SLIT3: variants seen among roughly 807,000 people sequenced by gnomAD.
SLIT3 encodes slit guidance ligand 3.
SLIT3 carries 68 observed loss-of-function variants against 184.0 expected under a neutral mutation model. The ratio of observed to expected loss-of-function variants is 0.37; its 90% CI spans 0.30 to 0.45. The LOEUF is 0.45. Among genes scored for constraint, SLIT3 ranks in the 20% least tolerant of loss-of-function variants. The pLI, the probability that SLIT3 is intolerant of heterozygous loss-of-function variation, is 1.00. For synonymous variants in SLIT3, 831 were observed against 828.6 expected, an observed-to-expected ratio of 1.00 and a Z score of -0.05; for missense variants, 1,707 against 2,026.0, an observed-to-expected ratio of 0.84 and a Z score of 3.02.
intron 4 of SLIT3, among the ~76,000 whole-genome samples, chr5:169,167,821 C>T (rs1297920268): frequency 6.6e-6 from 1 of 152,214 alleles, no homozygotes; most frequent in Non-Finnish European, 1.5e-5. Flanking sequence ...CACTGACACT[C>T]TGGCTGCACT....
chr5:168,873,912 A>C (rs1285782534), intron 5 of SLIT3, among the ~76,000 whole-genome samples: 2 of 152,166 alleles, frequency 1.3e-5, no homozygotes, highest in African/African-American at 4.8e-5. Flanking sequence ...AGAGCCTCAA[A>C]GTATGATCTC....
chr5:168,778,811 C>T (rs747636646), intron 12 of SLIT3, among the ~76,000 whole-genome samples: 1 of 152,228 alleles, frequency 6.6e-6, no homozygotes, highest in Non-Finnish European at 1.5e-5. Flanking sequence ...ACAACTGTGA[C>T]ATCCCAGCCA....
rs1370643455 is a variant in SLIT3 at position 168,722,949 on chromosome 5, A to T, written c.2395T>A (p.Ser799Thr). Residue 799 changes from serine (S) to threonine (T), a missense_variant, in exon 22 of 36, where the codon TCT becomes ACT. Transcript: ENST00000519560. ...TGTACTCACAGAGTGGAGAGGTGAG[A>T]CATGTTACTGAAGGTGTAATTGGTC... ...MLTNYTFSNM[S>T]HLSTLILSYN... 23 of 1,613,638 alleles carry T rather than the reference A, an allele frequency of 1.4e-5. No homozygotes were observed. The highest frequency in any genetic ancestry group is 1.9e-5 in the Non-Finnish European group (23 of 1,179,520).
intron 4 of SLIT3, among the ~76,000 whole-genome samples, chr5:169,122,122 C>T (rs1462791076): frequency 6.6e-6 from 1 of 152,176 alleles, no homozygotes; most frequent in Non-Finnish European, 1.5e-5. Flanking sequence ...CTTCTAAATT[C>T]CATTTCACTA....
chr5:168,794,411 C>G (rs1756495284), intron 10 of SLIT3, among the ~76,000 whole-genome samples: 1 of 152,174 alleles, frequency 6.6e-6, no homozygotes, highest in Non-Finnish European at 1.5e-5. Context: ...GCAGAGCCCC[C>G]AGCTCTGAGT....
chr5:169,285,788 A>C (rs1313066584), intron 1 of SLIT3, among the ~76,000 whole-genome samples: 1 of 152,190 alleles, frequency 6.6e-6, no homozygotes, highest in Non-Finnish European at 1.5e-5. Context: ...AAGTCATCCC[A>C]GCCTAGGTGC....
chr5:169,272,190 G>A (rs1365449440), intron 1 of SLIT3, among the ~76,000 whole-genome samples: 1 of 152,198 alleles, frequency 6.6e-6, no homozygotes, highest in Non-Finnish European at 1.5e-5. Context: ...TGTCACATTT[G>A]GAGGGCAGAG....
intron 5 of SLIT3, among the ~76,000 whole-genome samples, chr5:168,845,087 C>T (rs188347406): frequency 2.3e-4 from 35 of 152,164 alleles, no homozygotes; most frequent in African/African-American, 7.9e-4. Flanking sequence ...CCCGTTCCCC[C>T]GTCTCCCTTT....
chr5:169,000,336 G>A (rs1259553706), intron 4 of SLIT3, among the ~76,000 whole-genome samples: 1 of 134,494 alleles, frequency 7.4e-6, no homozygotes, highest in Non-Finnish European at 1.5e-5. Context: ...AGGTTGCAGT[G>A]AGCTGAGATC....
At chr5:168,839,158 C>T (rs1337808016) in intron 6 of SLIT3, among the ~76,000 whole-genome samples, 7 of 152,252 alleles carry the variant, frequency 4.6e-5, no homozygotes, top group Non-Finnish European at 8.8e-5. Flanking sequence ...TGCTTAGGTT[C>T]GGGCGTCCTG....
chr5:168,717,643 T>C (rs1435225537), intron 23 of SLIT3, among the ~76,000 whole-genome samples: 1 of 152,020 alleles, frequency 6.6e-6, no homozygotes, highest in Non-Finnish European at 1.5e-5. Flanking sequence ...AACAAGTCAC[T>C]AAACCTCTCT....
In SLIT3 at chr5:169,195,104, T is replaced by C. The variant is rs185626164; in HGVS notation, c.342-1554A>G. ...AGTATGGCCTATTACATGATGTAAC[T>C]ATATGATCCCCATCTGAGAGCTAAA... On this transcript the variant is annotated intron_variant, in intron 3 of 35. Transcript: ENST00000519560. Among the ~76,000 whole-genome samples, 322 of 152,310 alleles carry C rather than the reference T, an allele frequency of 2.1e-3. 3 individuals are homozygous for C. Among genetic ancestry groups the C allele is most frequent in the Non-Finnish European group, 4.6e-4 (31 of 68,038 alleles).
At position 168,684,416 on chromosome 5, in the gene SLIT3, C is replaced by G. The variant is rs138658794; in HGVS notation, c.3556-320G>C. 5.1e-3 allele frequency among the ~76,000 whole-genome samples: 772 copies of G among 152,322 alleles called. 3 individuals are homozygous for G. The highest frequency in any genetic ancestry group is 0.018 in the African/African-American group (739 of 41,566). ...CTCTCCCTCTGGTGCATAACATGAT[C>G]CCGCCCAAGTTCAGGCCCTTCTTTG... On this transcript the variant is annotated intron_variant, in intron 31 of 35. Coordinates refer to ENST00000519560, the MANE Select transcript of SLIT3 (RefSeq NM_003062.4).
At chr5:169,224,314 T>C (rs1020373058) in intron 3 of SLIT3, among the ~76,000 whole-genome samples, 6 of 152,146 alleles carry the variant, frequency 3.9e-5, no homozygotes, top group African/African-American at 1.4e-4. Flanking sequence ...CTTACCAACA[T>C]ACTGTATTTA....
intron 1 of SLIT3, among the ~76,000 whole-genome samples, chr5:169,260,079 T>C (rs139958684): frequency 6.6e-6 from 1 of 152,028 alleles, no homozygotes; most frequent in Admixed American, 6.5e-5. Context: ...CAGTTACAGA[T>C]TGAAGTAGTT....
intron 8 of SLIT3, 74 bp downstream of exon 8, chr5:168,817,226 C>A: frequency 7.1e-7 from 1 of 1,411,300 alleles, no homozygotes; most frequent in South Asian, 1.2e-5. Flanking sequence ...TGTTCAAGGT[C>A]AGGGTGATGT....
At chr5:168,826,454 C>T (rs1035360526) in intron 6 of SLIT3, among the ~76,000 whole-genome samples, 9 of 152,158 alleles carry the variant, frequency 5.9e-5, no homozygotes, top group Non-Finnish European at 1.2e-4. Flanking sequence ...CTTCTTGTGC[C>T]GCTGCCTAAG....
intron 20 of SLIT3, among the ~76,000 whole-genome samples, chr5:168,736,710 G>GC (rs1455869374): frequency 6.9e-5 from 10 of 145,444 alleles, no homozygotes; most frequent in African/African-American, 2.5e-4. Context: ...CAGAGTGCCT[G>GC]GGCTTGCCTC....
chr5:168,823,451 C>A (rs1581118856), intron 6 of SLIT3, 120 bp from the exon 7 acceptor site: 1 of 777,746 alleles, frequency 1.3e-6, no homozygotes, highest in Non-Finnish European at 2.3e-6. Context: ...ACAGTCATGG[C>A]CCAGCCAGTG....
Sources: allele counts gnomAD v4.1 joint callset (sites outside exome capture counted in the v4.1 genomes callset), GRCh38; gene constraint gnomAD v4.1.1; transcripts MANE v1.5; gene names NCBI Gene and HGNC (gene_info 2026-07-23, HGNC 2026-07-21).